TAFA2: variants seen among roughly 807,000 people sequenced by gnomAD.
TAFA2 encodes the protein TAFA chemokine like family member 2.
A neutral mutation model predicts 18.8 loss-of-function variants in TAFA2; 7 were observed. That is an observed-to-expected ratio of 0.37 (90% CI 0.21 to 0.70). The LOEUF is 0.70. TAFA2 is among the 30% of genes least tolerant of loss of function. The pLI, the probability that TAFA2 is intolerant of heterozygous loss-of-function variation, is 0.53. For missense variants in TAFA2, 122 were observed against 158.1 expected (o/e 0.77, Z 1.23); for synonymous variants, 60 against 54.2 (o/e 1.11, Z -0.47).
chr12:61,738,267 CA>C (rs1868339408), intron 4 of TAFA2, among the ~76,000 whole-genome samples: 1 of 145,558 alleles, frequency 6.9e-6, no homozygotes, highest in Non-Finnish European at 1.5e-5. Context: ...CAAACAACTA[CA>C]AAAACTTAAA....
chr12:61,900,837 G>A (rs961263646), intron 1 of TAFA2, among the ~76,000 whole-genome samples: 5 of 152,180 alleles, frequency 3.3e-5, no homozygotes, highest in African/African-American at 1.2e-4. Context: ...GAAGATTAAT[G>A]TTTGTTTTTT....
At chr12:61,743,249 A>ACT (rs1868540414) in intron 4 of TAFA2, among the ~76,000 whole-genome samples, 1 of 151,974 alleles carries the variant, frequency 6.6e-6, no homozygotes, top group Non-Finnish European at 1.5e-5. Flanking sequence ...AACTCTGCGA[A>ACT]TTTCTGTTCA....
chr12:62,062,722 A>T (rs1243334606), intron 1 of TAFA2, among the ~76,000 whole-genome samples: 2 of 152,202 alleles, frequency 1.3e-5, no homozygotes, highest in African/African-American at 4.8e-5. Flanking sequence ...AGCAGGCTGC[A>T]TTCCTTTCTG....
chr12:61,783,196 A>G (rs1407803655), intron 2 of TAFA2, among the ~76,000 whole-genome samples: 2 of 151,806 alleles, frequency 1.3e-5, no homozygotes, highest in Non-Finnish European at 3.0e-5. Context: ...TGGAGCCCAC[A>G]AAAGATCAAT....
chr12:61,828,467 TA>T (rs1262080588), intron 2 of TAFA2, among the ~76,000 whole-genome samples: 1 of 151,880 alleles, frequency 6.6e-6, no homozygotes, highest in African/African-American at 2.4e-5. Flanking sequence ...TAGGCCACAT[TA>T]AATACTCATT....
At chr12:61,872,386 C>T (rs1447820631) in intron 1 of TAFA2, among the ~76,000 whole-genome samples, 1 of 152,008 alleles carries the variant, frequency 6.6e-6, no homozygotes, top group Non-Finnish European at 1.5e-5. Context: ...GTTACAATGG[C>T]ATGGACCTTA....
chr12:62,049,105 A>G lies in TAFA2; in HGVS notation c.-2+142154T>C, dbSNP rs1017195357. Among the ~76,000 whole-genome samples the G allele has an allele frequency of 3.3e-5, 5 of 152,314 alleles. 1 individual carries two copies. Among genetic ancestry groups the G allele is most frequent in the African/African-American group, 1.2e-4 (5 of 41,574 alleles). ...TCTCATTAGGTGGAGTACAACCTCC[A>G]GTGGATATGTCAAAGTCACAAAGGT... On this transcript the variant is annotated intron_variant, in intron 1 of 4. Transcript: ENST00000416284.
chr12:61,994,685 C>T (rs1880124373), intron 1 of TAFA2, among the ~76,000 whole-genome samples: 2 of 151,998 alleles, frequency 1.3e-5, no homozygotes, highest in Admixed American at 6.6e-5. Context: ...ATGGACTCTC[C>T]CTTCCTCATT....
chr12:61,788,911 A>G (rs544093949), intron 2 of TAFA2, among the ~76,000 whole-genome samples: 106 of 151,862 alleles, frequency 7.0e-4, no homozygotes, highest in African/African-American at 2.4e-3. Context: ...GTTTTTTTCT[A>G]TTAACAAAAG....
intron 1 of TAFA2, among the ~76,000 whole-genome samples, chr12:61,920,203 ATAAATAAGTATAC>A (rs1200019971): frequency 1.3e-5 from 2 of 152,204 alleles, no homozygotes; most frequent in Non-Finnish European, 2.9e-5. Context: ...TAAATAAATC[ATAAATAAGTATAC>A]TATTGTAAGA....
In TAFA2 at chr12:61,931,934, G is replaced by A. The variant is rs187776425; in HGVS notation, c.-1-64508C>T. Among the ~76,000 whole-genome samples, 375 of 152,176 alleles carry A rather than the reference G, an allele frequency of 2.5e-3. 2 individuals are homozygous for A. Among genetic ancestry groups the A allele is most frequent in the African/African-American group, 8.1e-3 (335 of 41,528 alleles). On this transcript the variant is annotated intron_variant, in intron 1 of 4. Coordinates refer to ENST00000416284, the MANE Select transcript of TAFA2 (RefSeq NM_178539.5). ...AAAATGTATTTGAAGATAATTCTAC[G>A]TCATCAATGTTTTTATCCCTTACAA...
chr12:62,153,271 T>A (rs901451970), intron 1 of TAFA2, among the ~76,000 whole-genome samples: 1 of 152,148 alleles, frequency 6.6e-6, no homozygotes. Flanking sequence ...ATATAAGACA[T>A]ACAAGAAGTG....
intron 2 of TAFA2, among the ~76,000 whole-genome samples, chr12:61,859,582 T>C (rs959189075): frequency 6.6e-6 from 1 of 152,194 alleles, no homozygotes; most frequent in Non-Finnish European, 1.5e-5. Context: ...TAGCTGGGAC[T>C]ACAGGCATGC....
At chr12:61,971,558 G>A (rs1486737168) in intron 1 of TAFA2, among the ~76,000 whole-genome samples, 5 of 151,814 alleles carry the variant, frequency 3.3e-5, no homozygotes, top group Non-Finnish European at 7.4e-5. Flanking sequence ...AAAAGGATGA[G>A]TTCATGTCCT....
intron 1 of TAFA2, among the ~76,000 whole-genome samples, chr12:61,960,790 T>A (rs1322768393): frequency 1.4e-5 from 2 of 140,610 alleles, no homozygotes; most frequent in African/African-American, 2.6e-5. Context: ...AAAAAAAAAA[T>A]CTTCTTTTCT....
At chr12:61,731,062 T>C (rs1870422995) in intron 4 of TAFA2, among the ~76,000 whole-genome samples, 1 of 152,130 alleles carries the variant, frequency 6.6e-6, no homozygotes, top group African/African-American at 2.4e-5. Context: ...CCCTGTGAGA[T>C]AAAGTCAGAA....
intron 1 of TAFA2, among the ~76,000 whole-genome samples, chr12:62,033,167 T>C (rs1354243115): frequency 6.6e-6 from 1 of 152,176 alleles, no homozygotes; most frequent in East Asian, 1.9e-4. Flanking sequence ...GCTGGAATTA[T>C]TGTGGGTTAC....
chr12:61,968,639 T>C (rs1252776640), intron 1 of TAFA2, among the ~76,000 whole-genome samples: 1 of 151,780 alleles, frequency 6.6e-6, no homozygotes, highest in African/African-American at 2.4e-5. Context: ...CTTCCATTTT[T>C]TGACAGCTTA....
chr12:62,078,655 T>C (rs348670), intron 1 of TAFA2, among the ~76,000 whole-genome samples: 128,604 of 152,178 alleles, frequency 0.85, 54,552 homozygotes, highest in Non-Finnish European at 0.86. Context: ...CTTTTCTCGC[T>C]TCAGCTTCCT....
Sources: allele counts gnomAD v4.1 joint callset (sites outside exome capture counted in the v4.1 genomes callset), GRCh38; gene constraint gnomAD v4.1.1; transcripts MANE v1.5; gene names NCBI Gene and HGNC (gene_info 2026-07-23, HGNC 2026-07-21).